ARHGAP32: variants seen among roughly 807,000 people sequenced by gnomAD.
ARHGAP32 encodes Rho GTPase activating protein 32.
A neutral mutation model predicts 186.5 loss-of-function variants in ARHGAP32; 51 were observed. The observed-to-expected ratio is 0.27, with a 90% CI of 0.22 to 0.35. ARHGAP32 has a LOEUF of 0.35. ARHGAP32 is among the 10% of genes least tolerant of loss of function. The pLI is 1.00. For missense variants in ARHGAP32, 2,186 were observed against 2,623.5 expected (o/e 0.83, Z 3.64); for synonymous variants, 950 against 964.3 (o/e 0.99, Z 0.27).
intron 11 of ARHGAP32, among the ~76,000 whole-genome samples, chr11:129,020,274 A>G (rs1378415888): frequency 6.6e-6 from 1 of 152,112 alleles, no homozygotes; most frequent in Non-Finnish European, 1.5e-5. Context: ...AAGGTTATTA[A>G]GCATATTAGG....
intron 5 of ARHGAP32, among the ~76,000 whole-genome samples, chr11:129,098,506 C>T (rs1194492489): frequency 2.6e-5 from 4 of 151,556 alleles, no homozygotes; most frequent in African/African-American, 4.9e-5. Flanking sequence ...ACAAGCTCTG[C>T]CTCCCGGGTT....
intron 1 of ARHGAP32, among the ~76,000 whole-genome samples, chr11:129,171,457 G>A (rs1466859691): frequency 6.6e-6 from 1 of 152,116 alleles, no homozygotes; most frequent in Non-Finnish European, 1.5e-5. Context: ...TTTTTGTCAG[G>A]TTTGTCAAAG....
chr11:129,005,503 A>G (rs1384173010), intron 11 of ARHGAP32, among the ~76,000 whole-genome samples: 1 of 152,170 alleles, frequency 6.6e-6, no homozygotes, highest in African/African-American at 2.4e-5. Flanking sequence ...TCATGTTTGA[A>G]GGATATTTTC....
At chr11:128,996,830 G>A (rs1216272310) in intron 12 of ARHGAP32, among the ~76,000 whole-genome samples, 1 of 151,934 alleles carries the variant, frequency 6.6e-6, no homozygotes, top group Non-Finnish European at 1.5e-5. Flanking sequence ...CGCCCAGGCT[G>A]GAGTGCAGTG....
intron 1 of ARHGAP32, among the ~76,000 whole-genome samples, chr11:129,268,823 C>T (rs1025291547): frequency 6.6e-6 from 1 of 152,096 alleles, no homozygotes; most frequent in Non-Finnish European, 1.5e-5. Flanking sequence ...CCTGTGACTT[C>T]TCATTATTGC....
At chr11:129,181,134 C>G (rs1311565317) in intron 1 of ARHGAP32, among the ~76,000 whole-genome samples, 1 of 152,114 alleles carries the variant, frequency 6.6e-6, no homozygotes, top group Non-Finnish European at 1.5e-5. Context: ...CTTTCTCTTT[C>G]TATTCTTCCG....
At chr11:129,206,863 T>C (rs372526755) in intron 1 of ARHGAP32, among the ~76,000 whole-genome samples, 350 of 152,046 alleles carry the variant, frequency 2.3e-3, no homozygotes, top group African/African-American at 8.2e-3. Context: ...CACCAACCCA[T>C]CATCTACATT....
chr11:129,227,320 CAA>C lies in ARHGAP32; in HGVS notation c.-5+51824_-5+51825del, dbSNP rs571461906. ...AAATTATGCACTGGAAAATATCTAA[CAA>C]AAAAGAATGCCATAACGGAGGAAAA... On this transcript the variant is annotated intron_variant, in intron 1 of 6. Coordinates refer to the ARHGAP32 transcript ENST00000525234. Among the ~76,000 whole-genome samples, 90 of 151,390 alleles carry C rather than the reference CAA, an allele frequency of 5.9e-4. 1 individual carries two copies. The highest frequency in any genetic ancestry group is 8.6e-4 in the Admixed American group (13 of 15,200).
chr11:129,258,694 A>C (rs1945285084), intron 1 of ARHGAP32, among the ~76,000 whole-genome samples: 2 of 152,222 alleles, frequency 1.3e-5, no homozygotes, highest in African/African-American at 4.8e-5. Flanking sequence ...TGTATTTCTT[A>C]AGAGTAGCTG....
intron 10 of ARHGAP32, among the ~76,000 whole-genome samples, chr11:129,058,223 T>A (rs7932676): frequency 0.039 from 3,847 of 99,366 alleles, 57 homozygotes; most frequent in African/African-American, 0.069. Context: ...ACACACACAC[T>A]CTCTCTCTCT....
chr11:129,150,626 A>G (rs1943267789), intron 2 of ARHGAP32, among the ~76,000 whole-genome samples: 1 of 152,160 alleles, frequency 6.6e-6, no homozygotes, highest in Non-Finnish European at 1.5e-5. Context: ...TAAGCCTCAT[A>G]AAAGAAGGAG....
At chr11:129,190,666 CA>C (rs1325386534) in intron 1 of ARHGAP32, among the ~76,000 whole-genome samples, 1 of 152,140 alleles carries the variant, frequency 6.6e-6, no homozygotes, top group East Asian at 1.9e-4. Flanking sequence ...ATAAAAACAA[CA>C]ATGAAATAAG....
rs1945294508 is a variant in ARHGAP32 at position 128,969,409 on chromosome 11, T to C, written c.5804A>G (p.His1935Arg). ...IPDTSEPVSYHNSGVKYAASG... is the reference protein window; with the variant it reads ...IPDTSEPVSYRNSGVKYAASG... ...TGCAGCATATTTTACTCCAGAGTTG[T>C]GGTAGCTGACTGGCTCAGAAGTGTC... The change falls in exon 23 of 23, where the codon CAC becomes CGC. Residue 1935 changes from histidine to arginine, a missense_variant. By Grantham distance (29) the His-to-Arg change is conservative. Around this residue, in one of 5 missense-constraint regions of ARHGAP32, gnomAD observed 1,502 missense variants for 1,570.0 expected, o/e 0.96. Transcript: ENST00000682385. The surrounding 1 kb of genome is among the most constrained non-coding windows in gnomAD (Gnocchi z 4.8). The C allele has an allele frequency of 2.5e-6, 4 of 1,614,102 alleles. No homozygotes were observed. Among genetic ancestry groups the C allele is most frequent in the African/African-American group, 1.3e-5 (1 of 74,930 alleles).
At chr11:129,037,108 C>T (rs1320802527) in intron 11 of ARHGAP32, among the ~76,000 whole-genome samples, 1 of 152,116 alleles carries the variant, frequency 6.6e-6, no homozygotes, top group African/African-American at 2.4e-5. Context: ...GGTACAATAG[C>T]ATTAAAAAGA....
intron 2 of ARHGAP32, among the ~76,000 whole-genome samples, chr11:129,145,901 G>A (rs1020619201): frequency 2.6e-5 from 4 of 152,102 alleles, no homozygotes; most frequent in Admixed American, 6.5e-5. Flanking sequence ...GACGTACCAC[G>A]GGAGAGGATA....
intron 2 of ARHGAP32, among the ~76,000 whole-genome samples, chr11:129,139,650 C>G (rs1186596712): frequency 6.6e-6 from 1 of 152,100 alleles, no homozygotes; most frequent in East Asian, 1.9e-4. Context: ...AAAGAGTTCT[C>G]CCGCACAAGC....
At chr11:129,140,238 A>G (rs76349113) in intron 2 of ARHGAP32, among the ~76,000 whole-genome samples, 2,296 of 152,148 alleles carry the variant, frequency 0.015, 52 homozygotes, top group African/African-American at 0.047. Context: ...GCAAGGAAAC[A>G]GGGACCTCAG....
At chr11:129,243,518 T>G (rs1945048249) in intron 1 of ARHGAP32, among the ~76,000 whole-genome samples, 2 of 152,192 alleles carry the variant, frequency 1.3e-5, no homozygotes, top group Non-Finnish European at 2.9e-5. Flanking sequence ...CTATCTCTCC[T>G]ACCTCCACCA....
intron 1 of ARHGAP32, among the ~76,000 whole-genome samples, chr11:129,237,193 G>T (rs1321589522): frequency 6.6e-6 from 1 of 152,060 alleles, no homozygotes; most frequent in Non-Finnish European, 1.5e-5. Flanking sequence ...TTCATCGGGG[G>T]TACTGGTCTG....
Sources: gnomAD v4.1 joint callset for allele counts (sites outside exome capture counted in the v4.1 genomes callset) on GRCh38, gnomAD v4.1.1 for gene constraint, gnomAD v4.1.1 regional missense constraint, Gnocchi (gnomAD v3.1) non-coding constraint, MANE v1.5 for transcripts, NCBI Gene and HGNC (gene_info 2026-07-23, HGNC 2026-07-21) for gene names.